Variants in AKAP13 observed in about 807,000 individuals in gnomAD.
The protein encoded by AKAP13 is A-kinase anchoring protein 13.
A neutral mutation model predicts 264.5 loss-of-function variants in AKAP13; 80 were observed. The observed-to-expected ratio is 0.30, with a 90% CI of 0.25 to 0.36. The LOEUF (loss-of-function observed/expected upper bound fraction) is 0.36, where lower values mean the gene tolerates loss of function less well. Among genes scored for constraint, AKAP13 ranks in the 10% least tolerant of loss-of-function variants. The pLI, the probability that AKAP13 is intolerant of heterozygous loss-of-function variation, is 1.00. For synonymous variants in AKAP13, 1,380 were observed against 1,250.2 expected (o/e 1.10, Z -2.19); for missense variants, 3,712 against 3,435.2 (o/e 1.08, Z -2.01).
intron 5 of AKAP13, among the ~76,000 whole-genome samples, chr15:85,562,577 ATATATATATAT>A (rs2078426837): frequency 8.6e-5 from 6 of 70,058 alleles, no homozygotes; most frequent in East Asian, 4.8e-4. Flanking sequence ...AAAAAAAAAT[ATATATATATAT>A]ATATATATAT....
In AKAP13 at chr15:85,388,344, G is replaced by A. The variant is rs538413659; in HGVS notation, c.-12+7546G>A. Reference sequence around the variant, plus strand: ...ACAGGCGTGAGCTACAGCGCTGGGCGTGATTTCTTTTTGTTACTTTGCTGA... The same window carrying A: ...ACAGGCGTGAGCTACAGCGCTGGGCATGATTTCTTTTTGTTACTTTGCTGA... On this transcript the variant is annotated intron_variant, in intron 1 of 36. Transcript: ENST00000394518. Among the ~76,000 whole-genome samples the A allele has an allele frequency of 1.6e-4, 25 of 152,154 alleles. 1 individual carries two copies. In the South Asian group the frequency reaches 4.6e-3, roughly 28 times the overall value.
chr15:85,492,873 T>A (rs901940677), intron 2 of AKAP13, among the ~76,000 whole-genome samples: 1 of 152,232 alleles, frequency 6.6e-6, no homozygotes, highest in East Asian at 1.9e-4. Flanking sequence ...TTCCAATTAT[T>A]GGAAGTGTTA....
intron 14 of AKAP13, among the ~76,000 whole-genome samples, chr15:85,672,093 A>C (rs1399082695): frequency 6.6e-6 from 1 of 152,160 alleles, no homozygotes; most frequent in Non-Finnish European, 1.5e-5. Flanking sequence ...GTTGCTGAGA[A>C]TTTTTCTGCT....
At position 85,403,541 on chromosome 15, in the gene AKAP13, A is replaced by T. The variant is rs568344635; in HGVS notation, c.-12+22743A>T. Among the ~76,000 whole-genome samples the T allele has an allele frequency of 1.6e-4, 24 of 152,266 alleles. No individual in the cohort carries two copies. The South Asian group carries it at 4.8e-3, about 30-fold the overall frequency. On this transcript the variant is annotated intron_variant, in intron 1 of 36. Transcript: ENST00000394518. ...AAATGTGTCGCTTTTGGCTAGAAGC[A>T]TTTAAAAGCTGATGTGAGGTCGGGC...
chr15:85,588,648 C>A (rs982718394), intron 8 of AKAP13, among the ~76,000 whole-genome samples: 1 of 152,136 alleles, frequency 6.6e-6, no homozygotes, highest in African/African-American at 2.4e-5. Flanking sequence ...TCTCTCAGTC[C>A]CTTTCCTCTT....
At chr15:85,603,461 A>G (rs1043367916) in intron 8 of AKAP13, among the ~76,000 whole-genome samples, 14 of 152,240 alleles carry the variant, frequency 9.2e-5, no homozygotes, top group African/African-American at 2.7e-4. Flanking sequence ...CACCCTGAAA[A>G]GGTCTCCTCA....
At chr15:85,421,996 A>G (rs2072545955) in intron 1 of AKAP13, among the ~76,000 whole-genome samples, 1 of 152,206 alleles carries the variant, frequency 6.6e-6, no homozygotes, top group South Asian at 2.1e-4. Flanking sequence ...GCTTCAGTAT[A>G]TGTCAGCATT....
At chr15:85,635,403 A>C (rs1381731627) in intron 8 of AKAP13, among the ~76,000 whole-genome samples, 1 of 152,180 alleles carries the variant, frequency 6.6e-6, no homozygotes, top group Non-Finnish European at 1.5e-5. Flanking sequence ...CATTTAAAAA[A>C]TCATGTTGCT....
intron 1 of AKAP13, among the ~76,000 whole-genome samples, chr15:85,450,459 T>G (rs1478937992): frequency 1.3e-5 from 2 of 152,164 alleles, no homozygotes. Context: ...ATTAGGTTGT[T>G]AATTTGAGAT....
rs1567206511 is a variant in AKAP13 at position 85,708,304 on chromosome 15, G to A, written c.5532+218G>A. The stretch of plus-strand genomic sequence containing the variant: ...GAATTAGACTTTCAGAAAAGAAAAC[G>A]CTTTCAGAACTTCTTCACGTTCAAT... On this transcript the variant is annotated intron_variant, in intron 18 of 36. Transcript: ENST00000394518. This position sits in a 1 kb window ranked among gnomAD's most constrained non-coding sequence, Gnocchi z 4.3. 1.3e-5 allele frequency among the ~76,000 whole-genome samples: 2 copies of A among 152,170 alleles called. No individual in the cohort carries two copies. Among genetic ancestry groups the A allele is most frequent in the African/African-American group, 4.8e-5 (2 of 41,454 alleles).
At chr15:85,527,800 A>T (rs1393596926) in intron 3 of AKAP13, among the ~76,000 whole-genome samples, 4 of 152,234 alleles carry the variant, frequency 2.6e-5, no homozygotes, top group African/African-American at 7.2e-5. Flanking sequence ...CTGAAGACTG[A>T]AAATTTGTTT....
chr15:85,568,645 G>A (rs970795658), intron 5 of AKAP13, among the ~76,000 whole-genome samples: 5 of 152,152 alleles, frequency 3.3e-5, no homozygotes, highest in Admixed American at 1.3e-4. Context: ...TATTAGCTGG[G>A]TGACCTTGGT....
At chr15:85,623,164 C>T (rs1415339190) in intron 8 of AKAP13, among the ~76,000 whole-genome samples, 1 of 152,182 alleles carries the variant, frequency 6.6e-6, no homozygotes, top group Non-Finnish European at 1.5e-5. Context: ...GTCATGTGCA[C>T]TTTCTCCACT....
chr15:85,445,635 A>G (rs925377140), intron 1 of AKAP13, among the ~76,000 whole-genome samples: 1 of 152,080 alleles, frequency 6.6e-6, no homozygotes, highest in Non-Finnish European at 1.5e-5. Context: ...TACCTTTATT[A>G]TAGTACTTAC....
At chr15:85,551,263 G>C (rs2077953939) in intron 5 of AKAP13, among the ~76,000 whole-genome samples, 2 of 152,094 alleles carry the variant, frequency 1.3e-5, no homozygotes, top group Non-Finnish European at 2.9e-5. Flanking sequence ...TTGCCTATCT[G>C]GCAACATGCT....
chr15:85,443,772 A>AAGTGT (rs1491134630), intron 1 of AKAP13, among the ~76,000 whole-genome samples: 105 of 146,050 alleles, frequency 7.2e-4, no homozygotes, highest in Non-Finnish European at 1.3e-3. Context: ...AAAAAAAAAA[A>AAGTGT]GTGTGTGTGT....
At chr15:85,642,415 C>T (rs558580982) in intron 9 of AKAP13, among the ~76,000 whole-genome samples, 1 of 152,202 alleles carries the variant, frequency 6.6e-6, no homozygotes, top group Non-Finnish European at 1.5e-5. Flanking sequence ...CTTAGATATG[C>T]CGCTCCCCTT....
At chr15:85,732,901 ATGC>A (rs1422298411) in intron 30 of AKAP13, among the ~76,000 whole-genome samples, 5 of 152,090 alleles carry the variant, frequency 3.3e-5, no homozygotes, top group Admixed American at 1.3e-4. Flanking sequence ...TCTAATAGTA[ATGC>A]TGCTACCACT....
chr15:85,530,397 A>G (rs546986890), intron 3 of AKAP13, among the ~76,000 whole-genome samples: 1 of 152,266 alleles, frequency 6.6e-6, no homozygotes, highest in East Asian at 1.9e-4. Context: ...TTCTGATTCA[A>G]GGGTTCAGGT....
Sources: allele counts gnomAD v4.1 joint callset (sites outside exome capture counted in the v4.1 genomes callset), GRCh38; gene constraint gnomAD v4.1.1; non-coding constraint Gnocchi (gnomAD v3.1); transcripts MANE v1.5; gene names NCBI Gene and HGNC (gene_info 2026-07-23, HGNC 2026-07-21).